Variants in SIMC1 observed in about 807,000 individuals in gnomAD.
The protein encoded by SIMC1 is SUMO-interacting motif-containing protein 1.
In SIMC1, 55 loss-of-function variants were observed where a neutral mutation model predicts 82.3. The observed-to-expected ratio is 0.67, with a 90% CI of 0.54 to 0.84. The LOEUF is 0.84. SIMC1 is among the 40% of genes least tolerant of loss of function. The pLI is 0.00. For synonymous variants in SIMC1, 353 were observed against 426.3 expected, an observed-to-expected ratio of 0.83 and a Z score of 2.12; for missense variants, 915 against 1,107.2, an observed-to-expected ratio of 0.83 and a Z score of 2.46.
At chr5:176,253,368 C>T (rs1378929092) in intron 1 of SIMC1, among the ~76,000 whole-genome samples, 1 of 152,024 alleles carries the variant, frequency 6.6e-6, no homozygotes, top group Non-Finnish European at 1.5e-5. Context: ...TCTAAAGATA[C>T]TCCTCGAGAA....
At chr5:176,338,274 A>G (rs773765055) in intron 9 of SIMC1, among the ~76,000 whole-genome samples, 3 of 152,220 alleles carry the variant, frequency 2.0e-5, no homozygotes, top group Non-Finnish European at 4.4e-5. Flanking sequence ...AAAAGAAACT[A>G]AAGCACATAA....
intron 7 of SIMC1, among the ~76,000 whole-genome samples, chr5:176,326,532 C>T (rs1256003205): frequency 6.6e-6 from 1 of 151,792 alleles, no homozygotes; most frequent in African/African-American, 2.4e-5. Flanking sequence ...CGCACCCAAC[C>T]TTATTTATTT....
At chr5:176,342,234 T>G (rs928500079) in intron 9 of SIMC1, among the ~76,000 whole-genome samples, 4 of 152,182 alleles carry the variant, frequency 2.6e-5, no homozygotes, top group African/African-American at 9.7e-5. Context: ...AATTCCTAAC[T>G]AGTCTCAAAT....
rs1384724041 is a variant in SIMC1, at chr5:176,289,255, C to T, written c.130-399C>T. On this transcript the variant is annotated intron_variant, in intron 1 of 9. Coordinates refer to ENST00000429602, the MANE Select transcript of SIMC1 (RefSeq NM_001308195.2). Reference sequence around the variant, plus strand: ...ATTAAAGATATGTGAAAATACTCAACATGTTCTTAGCACATAGATTCTTTC... The same window carrying T: ...ATTAAAGATATGTGAAAATACTCAATATGTTCTTAGCACATAGATTCTTTC... 2.6e-5 allele frequency among the ~76,000 whole-genome samples: 4 copies of T among 152,192 alleles called. No homozygotes were observed. In the East Asian group the frequency reaches 7.7e-4, roughly 29 times the overall value.
At chr5:176,281,360 T>G (rs535667521) in intron 1 of SIMC1, among the ~76,000 whole-genome samples, 26 of 152,334 alleles carry the variant, frequency 1.7e-4, no homozygotes, top group African/African-American at 6.0e-4. Flanking sequence ...TTTTAACTTC[T>G]TTGCCTTTGG....
intron 7 of SIMC1, among the ~76,000 whole-genome samples, chr5:176,329,005 C>T (rs1765511460): frequency 6.6e-6 from 1 of 152,026 alleles, no homozygotes; most frequent in African/African-American, 2.4e-5. Context: ...ACTGTTTTCC[C>T]CTAGATACAA....
intron 7 of SIMC1, among the ~76,000 whole-genome samples, 157 bp downstream of exon 7, chr5:176,324,914 A>G (rs1171911038): frequency 6.6e-6 from 1 of 152,252 alleles, no homozygotes. Context: ...ATAGGAAGAA[A>G]ATAGTAGAAG....
At position 176,336,719 on chromosome 5, in the gene SIMC1, G is replaced by C; in HGVS notation, c.2172-1G>C. On this transcript the variant is annotated splice_acceptor_variant, in intron 7 of 9. Coordinates refer to ENST00000429602, the MANE Select transcript of SIMC1 (RefSeq NM_001308195.2). LOFTEE classifies it high-confidence loss of function. ...ACTCCCTCTTCCTCTTCTCCACACA[G>C]AGAAATGTTCTTTACTACCATGGAA... 1 of 1,613,744 alleles carries C rather than the reference G, an allele frequency of 6.2e-7. No homozygotes were observed. The highest frequency in any genetic ancestry group is 8.5e-7 in the Non-Finnish European group (1 of 1,179,792).
chr5:176,342,955 T>C (rs947324752), intron 9 of SIMC1, among the ~76,000 whole-genome samples: 2 of 152,216 alleles, frequency 1.3e-5, no homozygotes, highest in South Asian at 2.1e-4. Context: ...GTTCCTGATA[T>C]GCAGTAGGTG....
intron 5 of SIMC1, among the ~76,000 whole-genome samples, chr5:176,315,571 C>T (rs1365865760): frequency 6.6e-6 from 1 of 152,176 alleles, no homozygotes; most frequent in Non-Finnish European, 1.5e-5. Flanking sequence ...GGTGTACCAG[C>T]GTCTCTTTGT....
chr5:176,334,259 G>A (rs1471813298), intron 7 of SIMC1, among the ~76,000 whole-genome samples: 1 of 152,078 alleles, frequency 6.6e-6, no homozygotes, highest in African/African-American at 2.4e-5. Flanking sequence ...TCTGGATTTT[G>A]CTCTCTTTCT....
At chr5:176,271,587 G>T (rs2113178282) in intron 1 of SIMC1, among the ~76,000 whole-genome samples, 1 of 151,898 alleles carries the variant, frequency 6.6e-6, no homozygotes, top group East Asian at 1.9e-4. Flanking sequence ...GGGAGTAGGG[G>T]GTTGGGAGAG....
chr5:176,331,901 C>T lies in SIMC1; in HGVS notation c.2172-4819C>T, dbSNP rs373610287. On this transcript the variant is annotated intron_variant, in intron 7 of 9. Transcript: ENST00000429602. The stretch of plus-strand genomic sequence containing the variant: ...GGAGAATCGCTTGAACCCAGGAGGC[C>T]GAGGCTGCAGTGAGCCAAGATTGTG... Among the ~76,000 whole-genome samples the T allele has an allele frequency of 9.0e-4, 137 of 151,550 alleles. 3 individuals are homozygous for T. In the East Asian group the frequency reaches 0.016, roughly 18 times the overall value.
At chr5:176,256,915 T>A (rs4046137) in intron 1 of SIMC1, among the ~76,000 whole-genome samples, 2,752 of 152,246 alleles carry the variant, frequency 0.018, 86 homozygotes, top group African/African-American at 0.063. Context: ...GCTAATTTTT[T>A]AAATTAATTT....
At position 176,253,952 on chromosome 5, in the gene SIMC1, T is replaced by C. The variant is rs530586083; in HGVS notation, c.129+15315T>C. On this transcript the variant is annotated intron_variant, in intron 1 of 9. Transcript: ENST00000429602. ...TGACCACGGAGAACTAGGTGACACC[T>C]TTTGTAACTGTGTGGCCTGTTTTCT... Among the ~76,000 whole-genome samples, 7 of 152,328 alleles carry C rather than the reference T, an allele frequency of 4.6e-5. No homozygotes were observed. The East Asian group carries it at 1.3e-3, about 29-fold the overall frequency.
At position 176,337,001 on chromosome 5, in the gene SIMC1, CTG is replaced by C. The variant is rs1459433731; in HGVS notation, c.2329-59_2329-58del. On this transcript the variant is annotated intron_variant, in intron 8 of 9. Transcript: ENST00000429602. ...GCATTCTGTAAAGGTGAATTGAAAA[CTG>C]TACAAAAATTTTAACTGGGGAAGGC... 56 of 1,603,820 alleles carry C rather than the reference CTG, an allele frequency of 3.5e-5. 1 individual carries two copies. The Middle Eastern group carries it at 4.3e-3, about 123-fold the overall frequency.
At chr5:176,266,147 A>C (rs868706009) in intron 1 of SIMC1, among the ~76,000 whole-genome samples, 19 of 152,088 alleles carry the variant, frequency 1.2e-4, no homozygotes, top group Non-Finnish European at 2.4e-4. Context: ...AGAGGAATCT[A>C]TTCTTACAAG....
chr5:176,332,478 C>T lies in SIMC1; in HGVS notation c.2172-4242C>T, dbSNP rs954587023. 1.8e-4 allele frequency among the ~76,000 whole-genome samples: 28 copies of T among 151,964 alleles called. 1 individual carries two copies. Among genetic ancestry groups the T allele is most frequent in the African/African-American group, 9.7e-5 (4 of 41,372 alleles). On this transcript the variant is annotated intron_variant, in intron 7 of 9. Coordinates refer to ENST00000429602, the MANE Select transcript of SIMC1 (RefSeq NM_001308195.2). ...GCTAACTTTGCATTTTTAGTAGAGA[C>T]GGGGTTTCTCCGTGTTGGTCAGGCT... is the stretch of plus-strand genomic sequence containing the variant.
At chr5:176,303,528 C>A (rs1764134351) in intron 4 of SIMC1, among the ~76,000 whole-genome samples, 1 of 152,124 alleles carries the variant, frequency 6.6e-6, no homozygotes, top group Non-Finnish European at 1.5e-5. Context: ...CCATGTTGAT[C>A]AGGCTGGTCT....
Sources: allele counts gnomAD v4.1 joint callset (sites outside exome capture counted in the v4.1 genomes callset), GRCh38; gene constraint gnomAD v4.1.1; transcripts MANE v1.5; gene names NCBI Gene and HGNC (gene_info 2026-07-23, HGNC 2026-07-21).